The following YAF2 variants were observed in gnomAD, a reference collection of about 807,000 sequenced individuals.
YAF2 encodes YY1-associated factor 2.
YAF2 carries 7 observed loss-of-function variants against 20.1 expected under a neutral mutation model. The observed-to-expected ratio is 0.35, with a 90% CI of 0.20 to 0.65. The LOEUF (loss-of-function observed/expected upper bound fraction) is 0.65, where lower values mean the gene tolerates loss of function less well. Among genes scored for constraint, YAF2 ranks in the 30% least tolerant of loss-of-function variants. The pLI, the probability that YAF2 is intolerant of heterozygous loss-of-function variation, is 0.69. For missense variants in YAF2, 151 were observed against 219.2 expected (o/e 0.69, Z 1.96); for synonymous variants, 74 against 76.0 (o/e 0.97, Z 0.14).
intron 2 of YAF2, among the ~76,000 whole-genome samples, chr12:42,212,912 G>A (rs930246164): frequency 2.0e-5 from 3 of 152,178 alleles, no homozygotes; most frequent in Admixed American, 6.5e-5. Context: ...GGTCATCTAG[G>A]TAACTCTGCT....
chr12:42,224,781 G>A (rs1275347124), intron 2 of YAF2, among the ~76,000 whole-genome samples: 2 of 152,148 alleles, frequency 1.3e-5, no homozygotes, highest in African/African-American at 4.8e-5. Context: ...TATCATTGAT[G>A]GGCATTTGGG....
intron 2 of YAF2, among the ~76,000 whole-genome samples, chr12:42,213,570 C>G (rs1163742078): frequency 6.6e-6 from 1 of 152,160 alleles, no homozygotes; most frequent in South Asian, 2.1e-4. Context: ...TTGAGTGGCT[C>G]TAAGTGTCTC....
intron 2 of YAF2, chr12:42,235,243 T>C (rs2068111348): frequency 1.0e-6 from 1 of 996,934 alleles, no homozygotes; most frequent in East Asian, 1.1e-4. Context: ...CTTTAGTACT[T>C]GCCAACCTTA....
chr12:42,165,782 T>G (rs898352041), intron 2 of YAF2, among the ~76,000 whole-genome samples: 1 of 149,604 alleles, frequency 6.7e-6, no homozygotes, highest in Non-Finnish European at 1.5e-5. Context: ...GGTTTTTTTT[T>G]TTTTTTTTTT....
At chr12:42,200,410 C>G (rs529341366) in intron 2 of YAF2, among the ~76,000 whole-genome samples, 1 of 152,300 alleles carries the variant, frequency 6.6e-6, no homozygotes, top group African/African-American at 2.4e-5. Context: ...ATCCCTAGCA[C>G]CTAGTGCTTA....
At chr12:42,206,919 T>C (rs1480894724) in intron 2 of YAF2, among the ~76,000 whole-genome samples, 1 of 152,158 alleles carries the variant, frequency 6.6e-6, no homozygotes, top group Non-Finnish European at 1.5e-5. Flanking sequence ...ATGACCCATA[T>C]ACCTTCTACC....
chr12:42,161,294 T>G (rs1331528754), intron 3 of YAF2: 1 of 255,216 alleles, frequency 3.9e-6, no homozygotes, highest in Non-Finnish European at 7.4e-6. Flanking sequence ...TGCAATTATC[T>G]GTTCGGTATG....
chr12:42,221,544 G>A (rs1245924258), intron 2 of YAF2, among the ~76,000 whole-genome samples: 1 of 152,166 alleles, frequency 6.6e-6, no homozygotes, highest in African/African-American at 2.4e-5. Context: ...GGGTGACAGA[G>A]CAAGACTCTA....
intron 2 of YAF2, among the ~76,000 whole-genome samples, chr12:42,223,239 G>A (rs377525156): frequency 1.3e-5 from 2 of 151,946 alleles, no homozygotes; most frequent in African/African-American, 2.4e-5. Flanking sequence ...TACATATAGC[G>A]CCAGCATACT....
At chr12:42,232,608 T>C in intron 2 of YAF2, 1 of 985,438 alleles carries the variant, frequency 1.0e-6, no homozygotes, top group Non-Finnish European at 1.2e-6. Flanking sequence ...GAACCATGCA[T>C]TTCTTTAAAA....
At chr12:42,231,297 A>G (rs759985565) in intron 2 of YAF2, 1 of 152,188 alleles carries the variant, frequency 6.6e-6, no homozygotes, top group Non-Finnish European at 1.5e-5. Context: ...GTGGCATCGT[A>G]TATTTTTGCA....
At chr12:42,232,773 A>G in intron 2 of YAF2, 1 of 979,336 alleles carries the variant, frequency 1.0e-6, no homozygotes, top group Non-Finnish European at 1.2e-6. Flanking sequence ...AGTTGGTTTA[A>G]GCTTCTTTCA....
At chr12:42,232,927 G>C in intron 2 of YAF2, 1 of 985,232 alleles carries the variant, frequency 1.0e-6, no homozygotes, top group Non-Finnish European at 1.2e-6. Context: ...ACACATAAAG[G>C]AAAGATCTAC....
At chr12:42,188,200 G>A (rs1178507887) in intron 2 of YAF2, among the ~76,000 whole-genome samples, 2 of 152,128 alleles carry the variant, frequency 1.3e-5, no homozygotes, top group Admixed American at 6.6e-5. Context: ...TCTGGCACGG[G>A]AAAGGGGAAT....
intron 2 of YAF2, among the ~76,000 whole-genome samples, chr12:42,176,372 C>T (rs2066193334): frequency 6.6e-6 from 1 of 152,086 alleles, no homozygotes; most frequent in Non-Finnish European, 1.5e-5. Context: ...ACTCCTGCCT[C>T]AGCCACCCAA....
intron 2 of YAF2, among the ~76,000 whole-genome samples, chr12:42,193,578 A>C (rs1279804887): frequency 6.6e-6 from 1 of 152,098 alleles, no homozygotes; most frequent in African/African-American, 2.4e-5. Flanking sequence ...ATCATTGTTC[A>C]CTGCAGCTGC....
chr12:42,218,901 G>A (rs80029282), intron 2 of YAF2, among the ~76,000 whole-genome samples: 10 of 151,844 alleles, frequency 6.6e-5, no homozygotes, highest in Admixed American at 4.6e-4. Flanking sequence ...AGGAGGGAGA[G>A]AGAAAGGGCT....
In YAF2 at chr12:42,227,181, C is replaced by T. The variant is rs915369226; in HGVS notation, c.152+10418G>A. On this transcript the variant is annotated intron_variant, in intron 2 of 3. Transcript: ENST00000534854. ...AGCGGCTGGAGGAGCGGACGGGCCCCACGGGGCCCGAGGGCAAGGAGCAGC... is the reference window on the plus strand; with the variant it reads ...AGCGGCTGGAGGAGCGGACGGGCCCTACGGGGCCCGAGGGCAAGGAGCAGC... Among the ~76,000 whole-genome samples the T allele has an allele frequency of 4.1e-3, 590 of 144,924 alleles. 2 individuals carry two copies. The highest frequency in any genetic ancestry group is 6.7e-3 in the Non-Finnish European group (443 of 66,018).
intron 2 of YAF2, chr12:42,235,603 A>C (rs2068124988): frequency 6.8e-7 from 1 of 1,465,226 alleles, no homozygotes; most frequent in Non-Finnish European, 8.9e-7. Context: ...GTCGTGGTGT[A>C]GAACACTTAC....
Sources: allele counts gnomAD v4.1 joint callset (sites outside exome capture counted in the v4.1 genomes callset), GRCh38; gene constraint gnomAD v4.1.1; transcripts MANE v1.5; gene names NCBI Gene and HGNC (gene_info 2026-07-23, HGNC 2026-07-21).